Variants in PARP4 observed in about 807,000 individuals in gnomAD.
The protein encoded by PARP4 is poly(ADP-ribose) polymerase family member 4.
A neutral mutation model predicts 187.7 loss-of-function variants in PARP4; 120 were observed. The ratio of observed to expected loss-of-function variants is 0.64; its 90% CI spans 0.55 to 0.74. The LOEUF is 0.74. Among genes scored for constraint, PARP4 ranks in the 30% least tolerant of loss-of-function variants. The pLI, the probability that PARP4 is intolerant of heterozygous loss-of-function variation, is 0.00. For synonymous variants in PARP4, 654 were observed against 740.9 expected, an observed-to-expected ratio of 0.88 and a Z score of 1.90; for missense variants, 1,836 against 2,070.5, an observed-to-expected ratio of 0.89 and a Z score of 2.20.
chr13:24,460,457 C>CTCTGCTGCAT (rs1872158537), intron 17 of PARP4, among the ~76,000 whole-genome samples: 11 of 119,930 alleles, frequency 9.2e-5, no homozygotes, highest in African/African-American at 3.2e-5. Flanking sequence ...CTCTGCTGCA[C>CTCTGCTGCAT]GGGTGGGCTC....
chr13:24,455,481 AT>A (rs1329724981), intron 21 of PARP4, among the ~76,000 whole-genome samples: 1 of 60,122 alleles, frequency 1.7e-5, no homozygotes, highest in African/African-American at 7.0e-5. Context: ...TATGGAACAA[AT>A]ATATATATAT....
At chr13:24,452,148 G>T (rs1305495975) in intron 24 of PARP4, 1 of 394,568 alleles carries the variant, frequency 2.5e-6, no homozygotes, top group Non-Finnish European at 4.5e-6. Flanking sequence ...AATCCTAGGA[G>T]GTAGGTATTT....
chr13:24,446,522 T>A (rs1290518914), intron 27 of PARP4, among the ~76,000 whole-genome samples, 159 bp downstream of exon 27: 1 of 151,898 alleles, frequency 6.6e-6, no homozygotes, highest in African/African-American at 2.4e-5. Context: ...TGAAAAAAAA[T>A]TTCATAATGT....
intron 11 of PARP4, among the ~76,000 whole-genome samples, chr13:24,485,613 C>T (rs1873510778): frequency 6.6e-6 from 1 of 152,128 alleles, no homozygotes; most frequent in African/African-American, 2.4e-5. Flanking sequence ...ACTTCAGTTT[C>T]AGCCCTAATA....
Position 24,420,953 on chromosome 13 carries a change from T to C in PARP4, c.*166A>G. Reference sequence around the variant, plus strand: ...AAATATTTTAAGTTTCATTTTATTATTGCTTGTTAGTTGATTAAAGTAATT... The same window carrying C: ...AAATATTTTAAGTTTCATTTTATTACTGCTTGTTAGTTGATTAAAGTAATT... On this transcript the variant is annotated 3_prime_UTR_variant, in exon 34 of 34. Transcript: ENST00000381989. 1 of 794,476 alleles carries C rather than the reference T, an allele frequency of 1.3e-6. No individual in the cohort carries two copies. The highest frequency in any genetic ancestry group is 1.8e-6 in the Non-Finnish European group (1 of 566,998). 49.2% of individuals were successfully genotyped at this position (794,476 alleles called of 1,614,324 possible).
intron 14 of PARP4, among the ~76,000 whole-genome samples, chr13:24,476,635 A>G (rs1304059330): frequency 6.6e-6 from 1 of 152,140 alleles, no homozygotes; most frequent in African/African-American, 2.4e-5. Context: ...TCACTTAATG[A>G]CTCCCAGAGA....
At chr13:24,440,170 G>A (rs1870845374) in intron 30 of PARP4, among the ~76,000 whole-genome samples, 1 of 152,202 alleles carries the variant, frequency 6.6e-6, no homozygotes, top group Non-Finnish European at 1.5e-5. Flanking sequence ...CACTTTGGGA[G>A]GCCGAGGCGG....
intron 21 of PARP4, among the ~76,000 whole-genome samples, chr13:24,455,751 G>GA (rs1236489743): frequency 6.7e-6 from 1 of 150,156 alleles, no homozygotes; most frequent in Non-Finnish European, 1.5e-5. Flanking sequence ...CTGAGAAGCT[G>GA]AAACCACAGG....
At chr13:24,494,868 C>CT (rs1415162977) in intron 6 of PARP4, 146 bp from the exon 7 acceptor site, 3 of 542,398 alleles carry the variant, frequency 5.5e-6, no homozygotes, top group Non-Finnish European at 3.1e-6. Flanking sequence ...AATTCTTTTT[C>CT]TTTTCTTTTT....
At chr13:24,503,350 G>A (rs1236420461) in intron 2 of PARP4, among the ~76,000 whole-genome samples, 1 of 152,202 alleles carries the variant, frequency 6.6e-6, no homozygotes, top group Non-Finnish European at 1.5e-5. Flanking sequence ...TTCAAGAATA[G>A]ATATGGCTGG....
intron 6 of PARP4, among the ~76,000 whole-genome samples, chr13:24,497,891 A>T (rs1481637155): frequency 6.6e-6 from 1 of 152,238 alleles, no homozygotes; most frequent in Non-Finnish European, 1.5e-5. Flanking sequence ...GAGAGGCCTC[A>T]CTTCAGAAGA....
Position 24,446,672 on chromosome 13 carries a change from G to A in PARP4, c.3366+9C>T. On this transcript the variant is annotated intron_variant, in intron 27 of 33. Coordinates refer to ENST00000381989, the MANE Select transcript of PARP4 (RefSeq NM_006437.4). ...ACAATGGGTTGATAGTTTAGGTTTT[G>A]AATCTTACAGTTCCAGTTGTCTTCT... 1 of 1,526,808 alleles carries A rather than the reference G, an allele frequency of 6.5e-7. No homozygotes were observed. The highest frequency in any genetic ancestry group is 1.7e-4 in the Middle Eastern group (1 of 5,920). The allele number at this position is 1,526,808 out of a possible 1,614,324, so 94.6% of individuals were successfully genotyped here. A position where few individuals can be genotyped will look rare whatever the true frequency, so the allele number is the denominator to read the frequency against.
rs773779252 is a variant in PARP4 at position 24,434,660 on chromosome 13, G to T, written c.4481C>A (p.Thr1494Asn). The T allele has an allele frequency of 1.9e-6, 3 of 1,613,842 alleles. No individual in the cohort carries two copies. Among genetic ancestry groups the T allele is most frequent in the African/African-American group, 1.3e-5 (1 of 74,884 alleles). Residue 1494 changes from threonine to asparagine, a missense_variant, in exon 31 of 34, where the codon ACC becomes AAC. Physicochemically the swap from Thr to Asn is moderately conservative, Grantham distance 65. Around this residue, in one of 8 missense-constraint regions of PARP4, gnomAD observed 450 missense variants for 439.2 expected, o/e 1.02. Coordinates refer to ENST00000381989, the MANE Select transcript of PARP4 (RefSeq NM_006437.4). ...PEALCSQSRT[T>N]PVDLCLLEES... is the part of the protein sequence containing the mutation. ...TTCTAGAAGACAGAGATCTACTGGG[G>T]TAGTCCGGGACTGACTGCAAAGAGC...
intron 12 of PARP4, among the ~76,000 whole-genome samples, chr13:24,478,747 T>C (rs1873114921): frequency 6.6e-6 from 1 of 152,226 alleles, no homozygotes; most frequent in Non-Finnish European, 1.5e-5. Context: ...TTCGCATTTC[T>C]ATGTGACAAA....
At position 24,435,117 on chromosome 13, in the gene PARP4, CA is replaced by C. The variant is rs1565988818; in HGVS notation, c.4023del (p.Phe1341LeufsTer7). 6.2e-7 allele frequency: 1 copy of C among 1,614,044 alleles called. No homozygotes were observed. Among genetic ancestry groups the C allele is most frequent in the Middle Eastern group, 1.6e-4 (1 of 6,062 alleles). Reference sequence around the variant, plus strand: ...AAACTAGCTACCTGACGATATGAGGCAAAAGACAAGGAAGCAGGACTGTGAG... The same window carrying C: ...AAACTAGCTACCTGACGATATGAGGCAAAGACAAGGAAGCAGGACTGTGAG... Reference protein sequence around the residue: ...ARAHSPASLSFASYRQVASFG... With the variant: ...ARAHSPASLSXASYRQVASFG... On this transcript the variant is annotated frameshift_variant, in exon 31 of 34. Coordinates refer to ENST00000381989, the MANE Select transcript of PARP4 (RefSeq NM_006437.4). LOFTEE classifies it high-confidence loss of function.
Position 24,452,388 on chromosome 13 carries a change from C to A in PARP4, c.3014+18G>T, listed in dbSNP as rs1871567234. 2 of 1,601,298 alleles carry A rather than the reference C, an allele frequency of 1.2e-6. No homozygotes were observed. The highest frequency in any genetic ancestry group is 4.5e-5 in the East Asian group (2 of 44,740). ...TCCCCGTGGGTCTGGACTATGTGAC[C>A]AGCTCTCTGAGACTCACCCGATACC... On this transcript the variant is annotated intron_variant, in intron 24 of 33. Transcript: ENST00000381989.
Position 24,470,027 on chromosome 13 carries a change from T to C in PARP4, c.1915-2A>G. ...TGTGTATGTCTGAAAAACAATGACC[T>C]GAAGAAGAAAAAAAATCCATACAAT... is the stretch of plus-strand genomic sequence containing the variant. On this transcript the variant is annotated splice_acceptor_variant, in intron 15 of 33. Coordinates refer to ENST00000381989, the MANE Select transcript of PARP4 (RefSeq NM_006437.4). LOFTEE classifies it high-confidence loss of function. The C allele has an allele frequency of 6.2e-7, 1 of 1,609,498 alleles. No homozygotes were observed. Among genetic ancestry groups the C allele is most frequent in the Non-Finnish European group, 8.5e-7 (1 of 1,178,116 alleles).
At position 24,452,406 on chromosome 13, in the gene PARP4, C is replaced by G. The variant is rs750807860; in HGVS notation, c.3014G>C (p.Gly1005Ala). 6.2e-7 allele frequency: 1 copy of G among 1,610,134 alleles called. No individual in the cohort carries two copies. Among genetic ancestry groups the G allele is most frequent in the Non-Finnish European group, 8.5e-7 (1 of 1,178,434 alleles). The change falls in exon 24 of 34, where the codon GGT becomes GCT. Residue 1005 changes from glycine to alanine, a missense_variant and splice_region_variant. Physicochemically the swap from Gly to Ala is moderately conservative, Grantham distance 60. Coordinates refer to ENST00000381989, the MANE Select transcript of PARP4 (RefSeq NM_006437.4). ...PHTRLFACGI[G>A]STANRHVLRI... ...ATGTGACCAGCTCTCTGAGACTCAC[C>G]CGATACCGCAGGCGAATAACCTGGT...
chr13:24,501,259 C>T (rs1869264822), intron 3 of PARP4, among the ~76,000 whole-genome samples: 1 of 152,136 alleles, frequency 6.6e-6, no homozygotes, highest in African/African-American at 2.4e-5. Context: ...TTTGGGGAGA[C>T]AATCTTTTGT....
Sources: allele counts gnomAD v4.1 joint callset (sites outside exome capture counted in the v4.1 genomes callset), GRCh38; gene constraint gnomAD v4.1.1; regional missense constraint gnomAD v4.1.1; transcripts MANE v1.5; gene names NCBI Gene and HGNC (gene_info 2026-07-23, HGNC 2026-07-21).